Variants in CYTH3 observed in about 807,000 individuals in gnomAD.
The protein encoded by CYTH3 is cytohesin-3.
Under a neutral mutation model 55.1 loss-of-function variants are expected in CYTH3, and 23 were observed. The ratio of observed to expected loss-of-function variants is 0.42; its 90% CI spans 0.30 to 0.59. The LOEUF is 0.59. CYTH3 is among the 20% of genes least tolerant of loss of function. CYTH3 has a pLI of 0.20. For missense variants in CYTH3, 413 were observed against 524.8 expected, an observed-to-expected ratio of 0.79 and a Z score of 2.08; for synonymous variants, 249 against 194.9, an observed-to-expected ratio of 1.28 and a Z score of -2.31.
intron 4 of CYTH3, among the ~76,000 whole-genome samples, chr7:6,183,213 G>GA (rs1018121684): frequency 1.3e-5 from 2 of 152,230 alleles, no homozygotes; most frequent in African/African-American, 2.4e-5. Context: ...CCTGTTCCCT[G>GA]AATGTACCTC....
chr7:6,220,135 G>C (rs563669146), intron 1 of CYTH3, among the ~76,000 whole-genome samples: 1 of 152,070 alleles, frequency 6.6e-6, no homozygotes, highest in Non-Finnish European at 1.5e-5. Context: ...GACCTCAAGT[G>C]ATCTGCCCGC....
chr7:6,231,102 ACACTACTGCCTGC>A (rs1289597554), intron 1 of CYTH3, among the ~76,000 whole-genome samples: 1 of 152,118 alleles, frequency 6.6e-6, no homozygotes, highest in Admixed American at 6.5e-5. Context: ...ACTTCATCAA[ACACTACTGCCTGC>A]CTGCTCTCTC....
At chr7:6,199,503 AC>A (rs1784012275) in intron 1 of CYTH3, among the ~76,000 whole-genome samples, 1 of 152,216 alleles carries the variant, frequency 6.6e-6, no homozygotes. Flanking sequence ...CAATAAAAAA[AC>A]AAGCAAACAA....
chr7:6,174,123 T>C (rs117465598), intron 5 of CYTH3, among the ~76,000 whole-genome samples: 10,603 of 152,202 alleles, frequency 0.07, 737 homozygotes, highest in East Asian at 0.38. Flanking sequence ...TATATCCTTT[T>C]TTTTTTTGAG....
intron 6 of CYTH3, chr7:6,173,194 G>T: frequency 2.5e-6 from 1 of 401,428 alleles, no homozygotes; most frequent in Non-Finnish European, 3.5e-6. Flanking sequence ...TGCAGGAAGG[G>T]CAGCTCAAGG....
rs1393708500 is a variant in CYTH3, at chr7:6,163,642, T to C, written c.*1302A>G. On this transcript the variant is annotated 3_prime_UTR_variant, in exon 13 of 13. Transcript: ENST00000350796. ...AACCTGACAACCTCCCAGGCGGGCG[T>C]GGAGTTTGACCAGTTCCACCACCGG... The C allele has an allele frequency of 6.6e-6, 1 of 152,214 alleles. No homozygotes were observed. The highest frequency in any genetic ancestry group is 1.5e-5 in the Non-Finnish European group (1 of 68,096). The allele number at this position is 152,214 out of a possible 1,614,324, so 9.4% of individuals were successfully genotyped here.
At chr7:6,235,277 A>C (rs1021357202) in intron 1 of CYTH3, among the ~76,000 whole-genome samples, 2 of 152,112 alleles carry the variant, frequency 1.3e-5, no homozygotes, top group Non-Finnish European at 2.9e-5. Context: ...CGAGTTCAAG[A>C]ACAGCCTGGC....
At chr7:6,194,143 A>T (rs892129440) in intron 1 of CYTH3, among the ~76,000 whole-genome samples, 29 of 152,236 alleles carry the variant, frequency 1.9e-4, no homozygotes, top group Admixed American at 1.6e-3. Flanking sequence ...TGACATGCAA[A>T]ACAGATACCG....
At chr7:6,252,546 C>T (rs2115049263) in intron 1 of CYTH3, among the ~76,000 whole-genome samples, 1 of 151,956 alleles carries the variant, frequency 6.6e-6, no homozygotes, top group South Asian at 2.1e-4. Flanking sequence ...CATTTTTTTT[C>T]CCACCCTGCC....
chr7:6,225,075 G>A (rs570466183), intron 1 of CYTH3, among the ~76,000 whole-genome samples: 3 of 152,194 alleles, frequency 2.0e-5, no homozygotes, highest in Non-Finnish European at 2.9e-5. Flanking sequence ...TGAGGGATCT[G>A]TTAGGGGTGA....
rs535929581 is a variant in CYTH3, at chr7:6,185,162, TC to T, written c.249+1887del. 8.5e-3 allele frequency among the ~76,000 whole-genome samples: 1,293 copies of T among 152,324 alleles called. 17 individuals are homozygous for T. The highest frequency in any genetic ancestry group is 0.03 in the African/African-American group (1,228 of 41,574). Reference sequence around the variant, plus strand: ...AATTCACAAAATTGACAATTTTCATTCCATCTTGGAGATGATTTATGCCCCA... The same window carrying T: ...AATTCACAAAATTGACAATTTTCATTCATCTTGGAGATGATTTATGCCCCA... On this transcript the variant is annotated intron_variant, in intron 4 of 12. Transcript: ENST00000350796.
chr7:6,242,895 A>C (rs912711848), intron 1 of CYTH3, among the ~76,000 whole-genome samples: 2 of 152,108 alleles, frequency 1.3e-5, no homozygotes, highest in Admixed American at 1.3e-4. Context: ...AAGGGTCACC[A>C]ATCGTGAGGC....
intron 1 of CYTH3, among the ~76,000 whole-genome samples, chr7:6,200,384 T>C (rs951818962): frequency 1.3e-5 from 2 of 152,202 alleles, no homozygotes; most frequent in African/African-American, 2.4e-5. Flanking sequence ...TTCACAGTTA[T>C]GAACTGTGGC....
At chr7:6,263,148 G>C (rs77857481) in intron 1 of CYTH3, among the ~76,000 whole-genome samples, 6,686 of 152,078 alleles carry the variant, frequency 0.044, 500 homozygotes, top group African/African-American at 0.15. Context: ...GCTCACTTAC[G>C]AGAAACCTTC....
intron 1 of CYTH3, among the ~76,000 whole-genome samples, chr7:6,260,259 A>G (rs987874225): frequency 6.6e-6 from 1 of 152,064 alleles, no homozygotes; most frequent in African/African-American, 2.4e-5. Flanking sequence ...AGGATCTGCC[A>G]ATAATTTCTT....
intron 4 of CYTH3, among the ~76,000 whole-genome samples, chr7:6,185,878 T>A (rs1783630578): frequency 6.6e-6 from 1 of 151,960 alleles, no homozygotes; most frequent in Admixed American, 6.6e-5. Flanking sequence ...ATCAGATATT[T>A]ATCGAAGGAA....
At chr7:6,257,008 C>T (rs1780146604) in intron 1 of CYTH3, among the ~76,000 whole-genome samples, 1 of 152,184 alleles carries the variant, frequency 6.6e-6, no homozygotes, top group African/African-American at 2.4e-5. Flanking sequence ...ACAGTTTAAC[C>T]ACTACTTTGA....
chr7:6,249,153 C>A (rs1779898307), intron 1 of CYTH3, among the ~76,000 whole-genome samples: 1 of 152,160 alleles, frequency 6.6e-6, no homozygotes, highest in African/African-American at 2.4e-5. Context: ...ACTTTTCTCA[C>A]TCGATTTCCC....
chr7:6,202,719 A>G (rs545966931), intron 1 of CYTH3, among the ~76,000 whole-genome samples: 10 of 152,296 alleles, frequency 6.6e-5, no homozygotes, highest in African/African-American at 2.2e-4. Context: ...TTGGCCTCCC[A>G]AAGTGCTGGG....
Sources: gnomAD v4.1 joint callset for allele counts (sites outside exome capture counted in the v4.1 genomes callset) on GRCh38, gnomAD v4.1.1 for gene constraint, MANE v1.5 for transcripts, NCBI Gene and HGNC (gene_info 2026-07-23, HGNC 2026-07-21) for gene names.